The following VMP1 variants were observed in gnomAD, a reference collection of about 807,000 sequenced individuals.
VMP1 encodes the protein vacuole membrane protein 1, also known as ectopic P-granules autophagy protein 3 homolog.
VMP1 carries 11 observed loss-of-function variants against 56.0 expected under a neutral mutation model. The ratio of observed to expected loss-of-function variants is 0.20; its 90% CI spans 0.12 to 0.32. The LOEUF is 0.32. VMP1 is among the 10% of genes least tolerant of loss of function. The probability of loss-of-function intolerance (pLI) is 1.00; values close to 1 mark genes in which losing one functional copy is unlikely to be tolerated. For missense variants in VMP1, 296 were observed against 490.3 expected, an observed-to-expected ratio of 0.60 and a Z score of 3.74; for synonymous variants, 149 against 165.0, an observed-to-expected ratio of 0.90 and a Z score of 0.74.
At chr17:59,806,572 A>G (rs2037848383) in intron 7 of VMP1, among the ~76,000 whole-genome samples, 1 of 151,920 alleles carries the variant, frequency 6.6e-6, no homozygotes, top group South Asian at 2.1e-4. Context: ...AAAATTAGCC[A>G]GGCATGATGG....
At position 59,840,707 on chromosome 17, in the gene VMP1, A is replaced by G. The variant is rs944566722; in HGVS notation, c.*796A>G. ...ATTTCTTAAGCTTTCTTTTATTTGC[A>G]TGAGAGAGCCACTACCAAGGCATGT... On this transcript the variant is annotated 3_prime_UTR_variant, in exon 12 of 12. Coordinates refer to ENST00000262291, the MANE Select transcript of VMP1 (RefSeq NM_030938.5). The G allele has an allele frequency of 8.5e-5, 13 of 152,378 alleles. No homozygotes were observed. The highest frequency in any genetic ancestry group is 3.1e-4 in the African/African-American group (13 of 41,444). 9.4% of individuals were successfully genotyped at this position (152,378 alleles called of 1,614,324 possible). A position where few individuals can be genotyped will look rare whatever the true frequency, so the allele number is the denominator to read the frequency against.
intron 10 of VMP1, among the ~76,000 whole-genome samples, chr17:59,822,325 A>ATTT (rs2038483670): frequency 3.1e-5 from 3 of 96,408 alleles, no homozygotes; most frequent in Non-Finnish European, 2.5e-5. Flanking sequence ...AGTAGGAAAT[A>ATTT]CTTTTTTTTT....
At chr17:59,821,234 T>A (rs2038439236) in intron 10 of VMP1, among the ~76,000 whole-genome samples, 1 of 152,088 alleles carries the variant, frequency 6.6e-6, no homozygotes, top group Non-Finnish European at 1.5e-5. Flanking sequence ...CCTCCCAAAG[T>A]GCTGGGATTA....
At chr17:59,805,323 C>T (rs1369760115) in intron 7 of VMP1, among the ~76,000 whole-genome samples, 2 of 152,178 alleles carry the variant, frequency 1.3e-5, no homozygotes, top group South Asian at 2.1e-4. Flanking sequence ...TGGCTCCTTA[C>T]GTGTTATTCC....
At position 59,738,748 on chromosome 17, in the gene VMP1, C is replaced by A. The variant is rs1370299533; in HGVS notation, c.304-89C>A. 4.1e-6 allele frequency: 4 copies of A among 974,324 alleles called. No individual in the cohort carries two copies. In the East Asian group the frequency reaches 7.8e-5, roughly 19 times the overall value. 60.4% of individuals were successfully genotyped at this position (974,324 alleles called of 1,614,324 possible). A position where few individuals can be genotyped will look rare whatever the true frequency, so the allele number is the denominator to read the frequency against. On this transcript the variant is annotated intron_variant, in intron 4 of 11. Coordinates refer to ENST00000262291, the MANE Select transcript of VMP1 (RefSeq NM_030938.5). ...TTAGTTTTTTCCTATTTGAAACTTA[C>A]TTTAGTTGATTTAATTTTGATGATG...
intron 6 of VMP1, among the ~76,000 whole-genome samples, chr17:59,771,901 A>G (rs979409287): frequency 4.0e-5 from 6 of 151,804 alleles, no homozygotes; most frequent in Non-Finnish European, 8.8e-5. Context: ...ATTTAGCAAT[A>G]TATATGATTT....
intron 7 of VMP1, among the ~76,000 whole-genome samples, chr17:59,786,479 G>A (rs2037010360): frequency 6.6e-6 from 1 of 152,176 alleles, no homozygotes; most frequent in Non-Finnish European, 1.5e-5. Context: ...AGTTTATGGT[G>A]TAGATGATCT....
At chr17:59,812,181 G>C (rs1379728025) in intron 9 of VMP1, among the ~76,000 whole-genome samples, 2 of 152,142 alleles carry the variant, frequency 1.3e-5, no homozygotes, top group Non-Finnish European at 2.9e-5. Context: ...CAAGCTGAGA[G>C]AATATTGCCA....
At chr17:59,830,965 C>T (rs746972785) in intron 10 of VMP1, among the ~76,000 whole-genome samples, 3 of 151,970 alleles carry the variant, frequency 2.0e-5, no homozygotes, top group Non-Finnish European at 4.4e-5. Flanking sequence ...GTAACTAGGA[C>T]TACAGGTGTG....
intron 10 of VMP1, among the ~76,000 whole-genome samples, chr17:59,822,333 T>TC (rs920640073): frequency 1.3e-5 from 2 of 149,738 alleles, no homozygotes; most frequent in East Asian, 2.0e-4. Flanking sequence ...ATACTTTTTT[T>TC]TTTTTTTTTT....
chr17:59,811,666 A>G lies in VMP1; in HGVS notation c.796-4A>G, dbSNP rs754262306. 10 of 1,598,544 alleles carry G rather than the reference A, an allele frequency of 6.3e-6. No individual in the cohort carries two copies. The highest frequency in any genetic ancestry group is 3.4e-5 in the Admixed American group (2 of 58,906). ...TATGGAAGTCCTTCTTTTTCTCTCT[A>G]TAGATTCCAAATCCTTTATTTGATC... is the stretch of plus-strand genomic sequence containing the variant. On this transcript the variant is annotated splice_region_variant and splice_polypyrimidine_tract_variant and intron_variant, in intron 8 of 11. Coordinates refer to ENST00000262291, the MANE Select transcript of VMP1 (RefSeq NM_030938.5).
At chr17:59,711,818 T>A (rs1022182457) in intron 1 of VMP1, among the ~76,000 whole-genome samples, 37 of 152,194 alleles carry the variant, frequency 2.4e-4, no homozygotes, top group Non-Finnish European at 4.3e-4. Context: ...CTCAAGAGTT[T>A]GTTTGTATTC....
At chr17:59,819,280 AT>A (rs1309420085) in intron 10 of VMP1, among the ~76,000 whole-genome samples, 1 of 152,144 alleles carries the variant, frequency 6.6e-6, no homozygotes, top group Admixed American at 6.6e-5. Context: ...AAGACAAAAA[AT>A]ATTCTTGTCC....
At chr17:59,726,822 A>G (rs2034624918) in intron 1 of VMP1, among the ~76,000 whole-genome samples, 1 of 152,186 alleles carries the variant, frequency 6.6e-6, no homozygotes, top group Admixed American at 6.5e-5. Context: ...TGCTTGGGCT[A>G]CATTATCTTT....
At chr17:59,759,808 G>A (rs573515885) in intron 5 of VMP1, among the ~76,000 whole-genome samples, 23 of 151,000 alleles carry the variant, frequency 1.5e-4, no homozygotes, top group Non-Finnish European at 3.0e-4. Flanking sequence ...CAAACTGTTT[G>A]TCATATCTAA....
intron 7 of VMP1, among the ~76,000 whole-genome samples, chr17:59,804,679 G>A (rs2037790226): frequency 2.0e-5 from 3 of 148,816 alleles, no homozygotes; most frequent in African/African-American, 7.4e-5. Context: ...ATATGTTCGT[G>A]TTTATCAAAT....
intron 1 of VMP1, among the ~76,000 whole-genome samples, chr17:59,710,773 A>G (rs1173059495): frequency 6.6e-6 from 1 of 152,188 alleles, no homozygotes; most frequent in Non-Finnish European, 1.5e-5. Context: ...TTGTTGCTAA[A>G]GAGTAGGAGA....
Position 59,731,254 on chromosome 17 carries a change from ATAAC to A in VMP1, c.-26-163_-26-160del, listed in dbSNP as rs369678060. The A allele has an allele frequency of 4.2e-4, 155 of 366,982 alleles. No homozygotes were observed. In the East Asian group the frequency reaches 6.7e-3, roughly 16 times the overall value. The allele number at this position is 366,982 out of a possible 1,614,324, so 22.7% of individuals were successfully genotyped here. A position where few individuals can be genotyped will look rare whatever the true frequency, so the allele number is the denominator to read the frequency against. ...ATATCTATATAAATTGTTCAATAGA[ATAAC>A]TAAATTGTTCAAATTTTGGTTATAA... On this transcript the variant is annotated intron_variant, in intron 1 of 11. Transcript: ENST00000262291.
At chr17:59,728,512 A>G (rs1296764447) in intron 1 of VMP1, among the ~76,000 whole-genome samples, 3 of 152,172 alleles carry the variant, frequency 2.0e-5, no homozygotes, top group Non-Finnish European at 4.4e-5. Context: ...CCACTTGGCC[A>G]TGAGAATACT....
Sources: allele counts gnomAD v4.1 joint callset (sites outside exome capture counted in the v4.1 genomes callset), GRCh38; gene constraint gnomAD v4.1.1; transcripts MANE v1.5; gene names NCBI Gene and HGNC (gene_info 2026-07-23, HGNC 2026-07-21).